NRXN1: variants seen among roughly 807,000 people sequenced by gnomAD.
The protein encoded by NRXN1 is neurexin 1.
In NRXN1, 39 loss-of-function variants were observed where a neutral mutation model predicts 150.9. The observed-to-expected ratio is 0.26, with a 90% CI of 0.20 to 0.34. The LOEUF (loss-of-function observed/expected upper bound fraction) is 0.34. Among genes scored for constraint, NRXN1 ranks in the 10% least tolerant of loss-of-function variants. The pLI, the probability that NRXN1 is intolerant of heterozygous loss-of-function variation, is 1.00. For synonymous variants in NRXN1, 924 were observed against 757.0 expected (o/e 1.22, Z -3.62); for missense variants, 1,815 against 1,949.9 (o/e 0.93, Z 1.30).
At chr2:50,721,920 A>G (rs1285917796) in intron 5 of NRXN1, among the ~76,000 whole-genome samples, 1 of 152,132 alleles carries the variant, frequency 6.6e-6, no homozygotes, top group Non-Finnish European at 1.5e-5. Context: ...CTCAACTACT[A>G]CACACCAGAA....
intron 5 of NRXN1, among the ~76,000 whole-genome samples, chr2:50,749,199 T>A (rs1700322626): frequency 6.6e-6 from 1 of 152,140 alleles, no homozygotes; most frequent in South Asian, 2.1e-4. Context: ...TACATTCACA[T>A]ATTTTATCTG....
At chr2:50,990,586 T>C (rs950094217) in intron 2 of NRXN1, among the ~76,000 whole-genome samples, 1 of 152,070 alleles carries the variant, frequency 6.6e-6, no homozygotes, top group East Asian at 1.9e-4. Flanking sequence ...TTTGGTTCTG[T>C]CATCAGGTGT....
rs542727091 is a variant in NRXN1, at chr2:50,268,494, T to C, written c.3365-31524A>G. ...ATCATTAACAGGACACTTTACAAAGTAGCTGGGGAGTTCAGAGTATAGCTC... is the reference window on the plus strand; with the variant it reads ...ATCATTAACAGGACACTTTACAAAGCAGCTGGGGAGTTCAGAGTATAGCTC... On this transcript the variant is annotated intron_variant, in intron 17 of 22. Coordinates refer to ENST00000401669, the MANE Select transcript of NRXN1 (RefSeq NM_001330078.2). Among the ~76,000 whole-genome samples the C allele has an allele frequency of 2.6e-5, 4 of 152,232 alleles. No individual in the cohort carries two copies. In the East Asian group the frequency reaches 7.7e-4, roughly 29 times the overall value.
At chr2:50,529,595 T>C (rs563996909) in intron 11 of NRXN1, among the ~76,000 whole-genome samples, 1 of 152,320 alleles carries the variant, frequency 6.6e-6, no homozygotes, top group East Asian at 1.9e-4. Context: ...AAACCTAGAT[T>C]CTGTTTCCAT....
intron 17 of NRXN1, among the ~76,000 whole-genome samples, chr2:50,377,500 T>C (rs1027356153): frequency 6.6e-6 from 1 of 152,310 alleles, no homozygotes; most frequent in African/African-American, 2.4e-5. Context: ...TAATCTATCA[T>C]TGATGGGCAT....
intron 18 of NRXN1, among the ~76,000 whole-genome samples, chr2:50,129,555 GAAC>G (rs1371239079): frequency 2.0e-5 from 3 of 152,102 alleles, no homozygotes; most frequent in African/African-American, 4.8e-5. Context: ...TATTTTGCTT[GAAC>G]AACAACTAAG....
At chr2:50,279,083 C>G (rs564782345) in intron 17 of NRXN1, among the ~76,000 whole-genome samples, 1 of 152,238 alleles carries the variant, frequency 6.6e-6, no homozygotes, top group South Asian at 2.1e-4. Context: ...CATCATTTGT[C>G]AGGGACTATC....
intron 18 of NRXN1, among the ~76,000 whole-genome samples, chr2:50,112,956 C>T (rs1414177171): frequency 6.6e-6 from 1 of 152,040 alleles, no homozygotes; most frequent in African/African-American, 2.4e-5. Context: ...GTGCCTATGC[C>T]ATTTCTGTTG....
rs576545925 is a variant in NRXN1 at position 50,007,146 on chromosome 2, C to T, written c.4128+46125G>A. ...TCACTTGAGGCCAGGAGTTTCAGAC[C>T]AGCCTGGATAACAAAGCGAGACCTT... On this transcript the variant is annotated intron_variant, in intron 21 of 22. Coordinates refer to ENST00000401669, the MANE Select transcript of NRXN1 (RefSeq NM_001330078.2). Among the ~76,000 whole-genome samples the T allele has an allele frequency of 6.6e-5, 10 of 152,050 alleles. No homozygotes were observed. In the East Asian group the frequency reaches 1.2e-3, roughly 18 times the overall value.
chr2:50,193,198 T>C (rs2061553073), intron 18 of NRXN1, among the ~76,000 whole-genome samples: 1 of 152,118 alleles, frequency 6.6e-6, no homozygotes, highest in Non-Finnish European at 1.5e-5. Flanking sequence ...TCCTTCCATA[T>C]CCTCATCATC....
chr2:50,735,754 A>G (rs1355664054), intron 5 of NRXN1, among the ~76,000 whole-genome samples: 5 of 152,138 alleles, frequency 3.3e-5, no homozygotes, highest in Admixed American at 2.0e-4. Flanking sequence ...CCACATATTC[A>G]CCTACCTATT....
chr2:50,217,552 T>A (rs1471790746), intron 18 of NRXN1, among the ~76,000 whole-genome samples: 4 of 151,784 alleles, frequency 2.6e-5, no homozygotes, highest in African/African-American at 9.7e-5. Context: ...TAAGTAGGGG[T>A]TCAACTTTCA....
chr2:49,940,247 C>T (rs2104338757), intron 22 of NRXN1, among the ~76,000 whole-genome samples: 1 of 152,230 alleles, frequency 6.6e-6, no homozygotes, highest in South Asian at 2.1e-4. Context: ...CAAGGACTAG[C>T]AAATGTGCAT....
intron 21 of NRXN1, among the ~76,000 whole-genome samples, chr2:50,050,703 T>C (rs79852763): frequency 0.039 from 5,865 of 152,102 alleles, 402 homozygotes; most frequent in African/African-American, 0.13. Flanking sequence ...TAGAGGACAA[T>C]TGAAAAGTCA....
At chr2:50,808,502 T>C (rs1667806080) in intron 5 of NRXN1, among the ~76,000 whole-genome samples, 1 of 151,946 alleles carries the variant, frequency 6.6e-6, no homozygotes, top group South Asian at 2.1e-4. Flanking sequence ...TAACATAAGT[T>C]AAAATTGATT....
At chr2:50,627,286 T>G (rs1681284947) in intron 5 of NRXN1, among the ~76,000 whole-genome samples, 1 of 151,460 alleles carries the variant, frequency 6.6e-6, no homozygotes, top group African/African-American at 2.4e-5. Context: ...GCCAATTCCT[T>G]CAACTCATTT....
chr2:50,149,181 G>A (rs548299051), intron 18 of NRXN1, among the ~76,000 whole-genome samples: 1 of 151,818 alleles, frequency 6.6e-6, no homozygotes, highest in Admixed American at 6.6e-5. Flanking sequence ...AAACATCGAT[G>A]CCATGAACAT....
At chr2:50,304,803 C>T (rs925055356) in intron 17 of NRXN1, among the ~76,000 whole-genome samples, 4 of 152,044 alleles carry the variant, frequency 2.6e-5, no homozygotes, top group African/African-American at 9.7e-5. Context: ...TATAAAGGTA[C>T]TCACTGAGAC....
chr2:50,029,142 G>T (rs1016121809), intron 21 of NRXN1, among the ~76,000 whole-genome samples: 1 of 152,160 alleles, frequency 6.6e-6, no homozygotes, highest in Admixed American at 6.5e-5. Context: ...ACAAACCAGA[G>T]TTCTTCCTTT....
Sources: allele counts gnomAD v4.1 joint callset (sites outside exome capture counted in the v4.1 genomes callset), GRCh38; gene constraint gnomAD v4.1.1; transcripts MANE v1.5; gene names NCBI Gene and HGNC (gene_info 2026-07-23, HGNC 2026-07-21).